Variants in PRSS38 observed in about 807,000 individuals in gnomAD.
PRSS38 encodes serine protease 38.
A neutral mutation model predicts 26.8 loss-of-function variants in PRSS38; 22 were observed. The ratio of observed to expected loss-of-function variants is 0.82; its 90% CI spans 0.59 to 1.17. PRSS38 has a LOEUF of 1.17. Among genes scored for constraint, PRSS38 ranks in the 50% most tolerant of loss-of-function variants. The probability of loss-of-function intolerance (pLI) is 0.00; values close to 1 mark genes in which losing one functional copy is unlikely to be tolerated. For synonymous variants in PRSS38, 175 were observed against 172.1 expected (o/e 1.02, Z -0.13); for missense variants, 427 against 422.7 (o/e 1.01, Z -0.09).
intron 4 of PRSS38, 121 bp from the exon 5 acceptor site, chr1:227,845,833 G>C: frequency 7.2e-7 from 1 of 1,394,184 alleles, no homozygotes; most frequent in Non-Finnish European, 9.8e-7. Flanking sequence ...TGGGTGAGAG[G>C]GGGGCACTGG....
intron 3 of PRSS38, among the ~76,000 whole-genome samples, chr1:227,838,979 C>G (rs756708814): frequency 6.6e-6 from 1 of 152,206 alleles, no homozygotes; most frequent in Non-Finnish European, 1.5e-5. Flanking sequence ...GCCACCACGC[C>G]CGGCTCTACT....
At chr1:227,834,760 G>A (rs1477528221) in intron 3 of PRSS38, among the ~76,000 whole-genome samples, 1 of 152,070 alleles carries the variant, frequency 6.6e-6, no homozygotes, top group Non-Finnish European at 1.5e-5. Flanking sequence ...AGCTCAGCGG[G>A]TCGAGGCTGC....
chr1:227,833,544 G>T (rs567941519), intron 3 of PRSS38, among the ~76,000 whole-genome samples: 1 of 151,180 alleles, frequency 6.6e-6, no homozygotes, highest in Non-Finnish European at 1.5e-5. Flanking sequence ...AAAAAGCAAC[G>T]TTGAAGGACT....
intron 1 of PRSS38, 41 bp downstream of exon 1, chr1:227,815,905 T>G (rs1465188097): frequency 6.4e-7 from 1 of 1,568,386 alleles, no homozygotes; most frequent in Non-Finnish European, 8.7e-7. Flanking sequence ...CTGGAGACAG[T>G]GCCCTTGGGG....
intron 3 of PRSS38, among the ~76,000 whole-genome samples, chr1:227,843,097 T>C (rs1665362833): frequency 6.6e-6 from 1 of 152,178 alleles, no homozygotes; most frequent in Non-Finnish European, 1.5e-5. Context: ...GGAATAGCCT[T>C]GCCCTTTCTA....
chr1:227,842,545 C>G (rs1665353309), intron 3 of PRSS38, among the ~76,000 whole-genome samples: 1 of 152,104 alleles, frequency 6.6e-6, no homozygotes, highest in South Asian at 2.1e-4. Context: ...TGGCCCTGCC[C>G]CATCTGGCCT....
exon 5 of PRSS38, chr1:227,846,190 T>C (rs1321125479): frequency 6.2e-7 from 1 of 1,611,200 alleles, no homozygotes; most frequent in Non-Finnish European, 8.5e-7. Context: ...CCATGCTGGC[T>C]GGCTGGTCAG....
At chr1:227,837,798 A>T (rs1238229978) in intron 3 of PRSS38, among the ~76,000 whole-genome samples, 4 of 152,202 alleles carry the variant, frequency 2.6e-5, no homozygotes, top group Non-Finnish European at 5.9e-5. Flanking sequence ...TACTCATGTC[A>T]TGGCCTCTTC....
chr1:227,828,190 A>C (rs1259388778), intron 3 of PRSS38, among the ~76,000 whole-genome samples: 1 of 152,154 alleles, frequency 6.6e-6, no homozygotes, highest in Non-Finnish European at 1.5e-5. Flanking sequence ...AGAGTTCTGT[A>C]AGTATCTATT....
At chr1:227,833,431 G>A (rs1665185821) in intron 3 of PRSS38, among the ~76,000 whole-genome samples, 1 of 152,080 alleles carries the variant, frequency 6.6e-6, no homozygotes, top group Non-Finnish European at 1.5e-5. Flanking sequence ...GGAGGTTGAG[G>A]CGGGAGAATC....
intron 3 of PRSS38, among the ~76,000 whole-genome samples, chr1:227,840,901 C>T (rs952179195): frequency 5.3e-5 from 8 of 152,166 alleles, no homozygotes; most frequent in South Asian, 2.1e-4. Context: ...ACCATCTTCC[C>T]GACCTCCTAT....
exon 5 of PRSS38, chr1:227,846,060 A>G: frequency 6.2e-7 from 1 of 1,614,228 alleles, no homozygotes; most frequent in South Asian, 1.1e-5. Context: ...CCTGGAGTGT[A>G]TGCCAGTGTT....
chr1:227,832,868 T>C (rs1044558734), intron 3 of PRSS38, among the ~76,000 whole-genome samples: 1 of 152,180 alleles, frequency 6.6e-6, no homozygotes, highest in Non-Finnish European at 1.5e-5. Context: ...ACAAAAAAAG[T>C]TGTGCTTCTA....
intron 3 of PRSS38, among the ~76,000 whole-genome samples, chr1:227,833,525 C>T (rs528355329): frequency 2.4e-4 from 10 of 41,158 alleles, no homozygotes; most frequent in Non-Finnish European, 5.3e-4. Context: ...GAGACTCCAT[C>T]TCAAAAAAAA....
rs759673253 is a variant in PRSS38 at position 227,845,627 on chromosome 1, G to A, written c.726+15G>A. 3.7e-6 allele frequency: 6 copies of A among 1,610,636 alleles called. No individual in the cohort carries two copies. The East Asian group carries it at 1.3e-4, about 36-fold the overall frequency. On this transcript the variant is annotated intron_variant, in intron 4 of 4. Transcript: ENST00000366757. ...CCGTGTGTGAGGTGTGCCCCTCCTG[G>A]TCCATGAGACAGAGGTCATGGGTGC...
chr1:227,845,449 A>C, intron 3 of PRSS38, 21 bp from the exon 4 acceptor site: 3 of 1,596,970 alleles, frequency 1.9e-6, no homozygotes, highest in Non-Finnish European at 1.7e-6. Context: ...CTGCCCCCTC[A>C]CGGGAGCCCT....
chr1:227,818,294 A>G (rs1397161071), intron 3 of PRSS38, among the ~76,000 whole-genome samples: 2 of 152,232 alleles, frequency 1.3e-5, no homozygotes, highest in Non-Finnish European at 2.9e-5. Flanking sequence ...TTTTTAAAAA[A>G]TTATAGAAAA....
At chr1:227,827,555 T>A (rs1409069080) in intron 3 of PRSS38, among the ~76,000 whole-genome samples, 1 of 152,114 alleles carries the variant, frequency 6.6e-6, no homozygotes, top group Non-Finnish European at 1.5e-5. Flanking sequence ...CATTTCTGAT[T>A]GTGTTTATTT....
intron 3 of PRSS38, among the ~76,000 whole-genome samples, chr1:227,839,070 A>G (rs565447775): frequency 3.3e-5 from 5 of 152,204 alleles, no homozygotes; most frequent in East Asian, 1.9e-4. Flanking sequence ...ATTCAGGTTC[A>G]GCCAAAAATG....
Sources: gnomAD v4.1 joint callset for allele counts (sites outside exome capture counted in the v4.1 genomes callset) on GRCh38, gnomAD v4.1.1 for gene constraint, MANE v1.5 for transcripts, NCBI Gene and HGNC (gene_info 2026-07-23, HGNC 2026-07-21) for gene names.